The following CNMD variants were observed in gnomAD, a reference collection of about 807,000 sequenced individuals.
CNMD encodes chondromodulin.
Under a neutral mutation model 37.5 loss-of-function variants are expected in CNMD, and 30 were observed. The observed-to-expected ratio is 0.80, with a 90% CI of 0.60 to 1.09. The LOEUF is 1.09. Among genes scored for constraint, CNMD ranks in the 50% least tolerant of loss-of-function variants. The probability of loss-of-function intolerance (pLI) is 0.00; values close to 1 mark genes in which losing one functional copy is unlikely to be tolerated. For missense variants in CNMD, 398 were observed against 423.9 expected, an observed-to-expected ratio of 0.94 and a Z score of 0.54; for synonymous variants, 167 against 148.2, an observed-to-expected ratio of 1.13 and a Z score of -0.92.
At chr13:52,728,793 A>T (rs1964617092) in intron 3 of CNMD, among the ~76,000 whole-genome samples, 1 of 152,174 alleles carries the variant, frequency 6.6e-6, no homozygotes, top group African/African-American at 2.4e-5. Flanking sequence ...TCTAGTGTTA[A>T]GTTGGTTCTG....
At chr13:52,724,185 C>T in intron 3 of CNMD, 75 bp from the exon 4 acceptor site, 1 of 1,120,090 alleles carries the variant, frequency 8.9e-7, no homozygotes, top group South Asian at 1.3e-5. Flanking sequence ...TACTGTGTTC[C>T]AGATGCTGTT....
chr13:52,713,727 G>A (rs1964326994), intron 4 of CNMD, among the ~76,000 whole-genome samples: 1 of 152,158 alleles, frequency 6.6e-6, no homozygotes, highest in Admixed American at 6.5e-5. Context: ...AATGCTCTTT[G>A]AGTACTGTAG....
At chr13:52,726,921 A>G (rs1964583196) in intron 3 of CNMD, among the ~76,000 whole-genome samples, 1 of 152,192 alleles carries the variant, frequency 6.6e-6, no homozygotes, top group Non-Finnish European at 1.5e-5. Flanking sequence ...CGAAATAGAA[A>G]TTATAGAACT....
At chr13:52,707,612 C>T (rs760868478) in intron 6 of CNMD, among the ~76,000 whole-genome samples, 2 of 152,168 alleles carry the variant, frequency 1.3e-5, no homozygotes, top group Non-Finnish European at 2.9e-5. Flanking sequence ...AGAATACTTC[C>T]ATTCCATATG....
intron 4 of CNMD, among the ~76,000 whole-genome samples, chr13:52,719,327 T>A (rs763459092): frequency 7.9e-5 from 12 of 152,184 alleles, no homozygotes; most frequent in Non-Finnish European, 1.5e-4. Flanking sequence ...CCCATTTACA[T>A]TTAAGGTTAA....
intron 4 of CNMD, among the ~76,000 whole-genome samples, chr13:52,716,608 C>T (rs1164555972): frequency 6.6e-6 from 1 of 152,144 alleles, no homozygotes; most frequent in African/African-American, 2.4e-5. Context: ...ATAGGGAATC[C>T]TTTCCCCATC....
At chr13:52,710,874 AG>A (rs1964280545) in intron 5 of CNMD, among the ~76,000 whole-genome samples, 1 of 152,150 alleles carries the variant, frequency 6.6e-6, no homozygotes, top group East Asian at 1.9e-4. Flanking sequence ...TTGGATATGT[AG>A]GGAAGAAGCT....
chr13:52,734,437 C>T (rs925695654), intron 2 of CNMD, among the ~76,000 whole-genome samples: 1 of 152,088 alleles, frequency 6.6e-6, no homozygotes, highest in Admixed American at 6.5e-5. Flanking sequence ...TAAAGTTTGC[C>T]ACTAATTAGC....
In CNMD at chr13:52,739,639, G is replaced by A. The variant is rs141405518; in HGVS notation, c.63C>T (p.Cys21=). 2 of 1,613,734 alleles carry A rather than the reference G, an allele frequency of 1.2e-6. No homozygotes were observed. The highest frequency in any genetic ancestry group is 2.7e-5 in the African/African-American group (2 of 74,928). ...CCCTGGCGGTACTCACCGGGGGGCT[G>A]CAGAATTCCACGTCATCAGGTCCCA... ...ALVGPDDVEF[C]SPPAYATLTV... is the part of the protein sequence containing the mutation. The change falls in exon 1 of 7, where the codon TGC becomes TGT. Residue 21 remains cysteine, a synonymous_variant. Transcript: ENST00000377962. This position sits in a 1 kb window ranked among gnomAD's most constrained non-coding sequence, Gnocchi z 5.4.
At chr13:52,726,762 A>G (rs1297516080) in intron 3 of CNMD, among the ~76,000 whole-genome samples, 1 of 152,206 alleles carries the variant, frequency 6.6e-6, no homozygotes, top group Non-Finnish European at 1.5e-5. Flanking sequence ...AAACAAATTT[A>G]TGAAATCCCA....
intron 5 of CNMD, among the ~76,000 whole-genome samples, chr13:52,712,449 TC>T (rs1343601809): frequency 6.6e-6 from 1 of 152,130 alleles, no homozygotes; most frequent in African/African-American, 2.4e-5. Flanking sequence ...AGTGGGAGTG[TC>T]ATAAACCAAA....
intron 3 of CNMD, among the ~76,000 whole-genome samples, chr13:52,729,545 G>C (rs1426916390): frequency 6.6e-6 from 1 of 152,162 alleles, no homozygotes; most frequent in Non-Finnish European, 1.5e-5. Flanking sequence ...TCTGCATTTT[G>C]GGCTGTGGCA....
intron 3 of CNMD, among the ~76,000 whole-genome samples, chr13:52,728,376 CA>C (rs56723400): frequency 0.024 from 3,539 of 149,378 alleles, 135 homozygotes; most frequent in African/African-American, 0.078. Flanking sequence ...GACTCCATCT[CA>C]AAAAAAAAAA....
chr13:52,738,347 AAAAT>A (rs2138286536), intron 2 of CNMD, among the ~76,000 whole-genome samples: 1 of 152,336 alleles, frequency 6.6e-6, no homozygotes, highest in East Asian at 1.9e-4. Context: ...GTGGAGCTTT[AAAAT>A]AAATAGTTGC....
At chr13:52,721,658 A>G (rs1964484927) in intron 4 of CNMD, among the ~76,000 whole-genome samples, 1 of 152,138 alleles carries the variant, frequency 6.6e-6, no homozygotes, top group African/African-American at 2.4e-5. Flanking sequence ...TAAGCCAGGT[A>G]CCTCAGTTGG....
chr13:52,726,319 C>T (rs1964571573), intron 3 of CNMD, among the ~76,000 whole-genome samples: 2 of 152,264 alleles, frequency 1.3e-5, no homozygotes, highest in African/African-American at 4.8e-5. Flanking sequence ...GAAAGGTGTT[C>T]AAGGTAACAA....
chr13:52,712,830 G>A lies in CNMD; in HGVS notation c.508C>T (p.Leu170Phe), dbSNP rs199566973. The A allele has an allele frequency of 6.3e-7, 1 of 1,585,296 alleles. No individual in the cohort carries two copies. Among genetic ancestry groups the A allele is most frequent in the Non-Finnish European group, 8.6e-7 (1 of 1,167,316 alleles). ...GGCTGATCTACAGCCACCCAGATAA[G>A]AGAATTTTCTTCATATTTGACTGGC... ...IMPVKYEENS[L>F]IWVAVDQPVK... The change falls in exon 5 of 7, where the codon CTT becomes TTT. Residue 170 changes from leucine to phenylalanine, a missense_variant. By Grantham distance (22) the Leu-to-Phe change is conservative (BLOSUM62 0). Coordinates refer to ENST00000377962, the MANE Select transcript of CNMD (RefSeq NM_007015.3).
chr13:52,712,006 C>A (rs1441965156), intron 5 of CNMD, among the ~76,000 whole-genome samples: 1 of 152,156 alleles, frequency 6.6e-6, no homozygotes, highest in African/African-American at 2.4e-5. Context: ...AGGAGAAAGG[C>A]CTTTTTTTTC....
At chr13:52,730,990 C>A (rs1964656819) in intron 3 of CNMD, among the ~76,000 whole-genome samples, 1 of 152,042 alleles carries the variant, frequency 6.6e-6, no homozygotes. Flanking sequence ...TTTTTCCTTC[C>A]CCAAGTTGGG....
Sources: allele counts gnomAD v4.1 joint callset (sites outside exome capture counted in the v4.1 genomes callset), GRCh38; gene constraint gnomAD v4.1.1; non-coding constraint Gnocchi (gnomAD v3.1); transcripts MANE v1.5; gene names NCBI Gene and HGNC (gene_info 2026-07-23, HGNC 2026-07-21).